DDHD1: variants seen among roughly 807,000 people sequenced by gnomAD.
The protein encoded by DDHD1 is DDHD domain containing 1.
DDHD1 carries 49 observed loss-of-function variants against 96.4 expected under a neutral mutation model. The observed-to-expected ratio is 0.51, with a 90% CI of 0.40 to 0.64. The LOEUF is 0.64. Ranked by LOEUF, DDHD1 falls within the 30% of genes least tolerant of loss-of-function variation. The pLI is 0.00. For synonymous variants in DDHD1, 442 were observed against 446.5 expected (o/e 0.99, Z 0.13); for missense variants, 1,106 against 1,161.2 (o/e 0.95, Z 0.69).
rs1456793608 is a variant in DDHD1, at chr14:53,041,170, C to A, written c.*5598G>T. 1 of 152,090 alleles carries A rather than the reference C, an allele frequency of 6.6e-6. No homozygotes were observed. Among genetic ancestry groups the A allele is most frequent in the African/African-American group, 2.4e-5 (1 of 41,422 alleles). The allele number at this position is 152,090 out of a possible 1,614,324, so 9.4% of individuals were successfully genotyped here. Reference sequence around the variant, plus strand: ...ATACTTGTTTTTCATCTTACTCCAACAGAAGACCAGATGTAATCTTCCTAA... The same window carrying A: ...ATACTTGTTTTTCATCTTACTCCAAAAGAAGACCAGATGTAATCTTCCTAA... On this transcript the variant is annotated 3_prime_UTR_variant, in exon 13 of 13. Coordinates refer to ENST00000673822, the MANE Select transcript of DDHD1 (RefSeq NM_001160148.2).
chr14:53,062,944 G>A lies in DDHD1; in HGVS notation c.1765C>T (p.Arg589Trp), dbSNP rs780032756. 34 of 1,609,200 alleles carry A rather than the reference G, an allele frequency of 2.1e-5. 1 individual carries two copies. The highest frequency in any genetic ancestry group is 1.1e-4 in the East Asian group (5 of 44,792). ...LLDELYITKR[R>W]LKEIEERLHG... ...TTTCAAAAGATGAGGATATTTTACC[G>A]TCGTTTAGTTATATAGAGTTCATCA... Residue 589 changes from arginine (R) to tryptophan (W), a missense_variant and splice_region_variant, in exon 7 of 13, where the codon CGG becomes TGG. By Grantham distance (101) the Arg-to-Trp change is moderately radical. Around this residue, in one of 2 missense-constraint regions of DDHD1, gnomAD observed 650 missense variants for 758.8 expected, o/e 0.86. Transcript: ENST00000673822.
At chr14:53,112,480 AT>A (rs1888185719) in intron 1 of DDHD1, among the ~76,000 whole-genome samples, 1 of 152,076 alleles carries the variant, frequency 6.6e-6, no homozygotes, top group South Asian at 2.1e-4. Context: ...ATTAATTGCT[AT>A]ATCAAAGCCT....
intron 11 of DDHD1, chr14:53,052,827 A>G (rs146496063): frequency 5.8e-4 from 88 of 152,064 alleles, no homozygotes; most frequent in African/African-American, 2.0e-3. Context: ...TCGGACTATC[A>G]AAGAATTTAT....
chr14:53,052,785 C>T (rs1310730378), intron 11 of DDHD1: 1 of 151,500 alleles, frequency 6.6e-6, no homozygotes, highest in Non-Finnish European at 1.5e-5. Flanking sequence ...TCATAATTAC[C>T]TCATATTGAG....
At chr14:53,083,295 A>G (rs1487497553) in intron 4 of DDHD1, among the ~76,000 whole-genome samples, 1 of 152,176 alleles carries the variant, frequency 6.6e-6, no homozygotes, top group Non-Finnish European at 1.5e-5. Flanking sequence ...ACCTCTTTAT[A>G]GTCTTCTAAG....
intron 2 of DDHD1, among the ~76,000 whole-genome samples, chr14:53,101,538 T>C (rs1049200655): frequency 1.3e-5 from 2 of 152,064 alleles, no homozygotes; most frequent in African/African-American, 4.8e-5. Context: ...AGTGTTCTAA[T>C]AATTTAATAA....
At chr14:53,072,555 T>A in intron 6 of DDHD1, 42 bp downstream of exon 6, 2 of 1,157,028 alleles carry the variant, frequency 1.7e-6, no homozygotes, top group Non-Finnish European at 2.4e-6. Context: ...TTATAAGCTA[T>A]CACTAAAAAA....
chr14:53,135,191 C>A (rs1241477932), intron 1 of DDHD1, among the ~76,000 whole-genome samples: 1 of 152,158 alleles, frequency 6.6e-6, no homozygotes, highest in Non-Finnish European at 1.5e-5. Context: ...TCCAGATGGC[C>A]TGAAGCAACT....
At chr14:53,134,740 C>G (rs1335921857) in intron 1 of DDHD1, among the ~76,000 whole-genome samples, 1 of 152,060 alleles carries the variant, frequency 6.6e-6, no homozygotes, top group African/African-American at 2.4e-5. Flanking sequence ...TTATGCTGAA[C>G]CCCCTTGGGC....
chr14:53,098,722 C>T (rs146394544), intron 2 of DDHD1, among the ~76,000 whole-genome samples: 51 of 152,206 alleles, frequency 3.4e-4, no homozygotes, highest in African/African-American at 1.2e-3. Context: ...GCTATGTTCA[C>T]AGTACGGGGT....
intron 1 of DDHD1, among the ~76,000 whole-genome samples, chr14:53,109,492 T>TACCA (rs1887949280): frequency 6.6e-6 from 1 of 152,196 alleles, no homozygotes; most frequent in South Asian, 2.1e-4. Flanking sequence ...TAATGTGCTA[T>TACCA]TTCCTTGTAT....
intron 1 of DDHD1, among the ~76,000 whole-genome samples, chr14:53,144,126 C>G (rs1890826064): frequency 6.6e-6 from 1 of 152,166 alleles, no homozygotes; most frequent in Non-Finnish European, 1.5e-5. Flanking sequence ...ATGTAGTTTA[C>G]ACAAAATAGC....
intron 6 of DDHD1, among the ~76,000 whole-genome samples, chr14:53,065,034 T>C (rs1050274103): frequency 6.6e-6 from 1 of 152,192 alleles, no homozygotes; most frequent in African/African-American, 2.4e-5. Context: ...TAACAATATA[T>C]ACTGTGATCT....
intron 1 of DDHD1, among the ~76,000 whole-genome samples, chr14:53,109,069 T>C (rs1887911800): frequency 6.6e-6 from 1 of 152,178 alleles, no homozygotes; most frequent in African/African-American, 2.4e-5. Flanking sequence ...GAGGAGCGCC[T>C]ATAATGGACG....
intron 4 of DDHD1, among the ~76,000 whole-genome samples, chr14:53,081,735 A>T (rs1222223705): frequency 6.6e-6 from 1 of 152,246 alleles, no homozygotes; most frequent in African/African-American, 2.4e-5. Flanking sequence ...TTGTTTTGTT[A>T]TAAAGCAAAC....
At chr14:53,127,044 A>G (rs1316351692) in intron 1 of DDHD1, among the ~76,000 whole-genome samples, 2 of 152,248 alleles carry the variant, frequency 1.3e-5, no homozygotes, top group Non-Finnish European at 2.9e-5. Context: ...GTCAAAATTC[A>G]TAATGCTAAC....
rs1156612397 is a variant in DDHD1 at position 53,064,784 on chromosome 14, T to C, written c.1504-1579A>G. On this transcript the variant is annotated intron_variant, in intron 6 of 12. Coordinates refer to ENST00000673822, the MANE Select transcript of DDHD1 (RefSeq NM_001160148.2). ...CTTATGCATATATATGAGACATCTA[T>C]GGTCAGACATTATGATTTTGAAAGC... is the stretch of plus-strand genomic sequence containing the variant. Among the ~76,000 whole-genome samples, 7 of 152,122 alleles carry C rather than the reference T, an allele frequency of 4.6e-5. No individual in the cohort carries two copies. The East Asian group carries it at 1.3e-3, about 29-fold the overall frequency.
chr14:53,094,610 C>G (rs147484662), intron 2 of DDHD1, among the ~76,000 whole-genome samples: 2 of 151,834 alleles, frequency 1.3e-5, no homozygotes, highest in Admixed American at 6.6e-5. Flanking sequence ...GAGGCTGAGG[C>G]AGGAGGATCA....
At chr14:53,105,936 A>T (rs1274578089) in intron 1 of DDHD1, among the ~76,000 whole-genome samples, 1 of 149,826 alleles carries the variant, frequency 6.7e-6, no homozygotes, top group Non-Finnish European at 1.5e-5. Context: ...TTTTTGTTCC[A>T]GTGGTTCTCT....
Sources: gnomAD v4.1 joint callset for allele counts (sites outside exome capture counted in the v4.1 genomes callset) on GRCh38, gnomAD v4.1.1 for gene constraint, gnomAD v4.1.1 regional missense constraint, MANE v1.5 for transcripts, NCBI Gene and HGNC (gene_info 2026-07-23, HGNC 2026-07-21) for gene names.